B4GALNT2: variants seen among roughly 807,000 people sequenced by gnomAD.
B4GALNT2 encodes N-acetylneuraminylgalactosylglucosyl-glucoside beta-1,4-N- acetylgalactosaminyltransferase 2.
Under a neutral mutation model 51.1 loss-of-function variants are expected in B4GALNT2, and 42 were observed. The ratio of observed to expected loss-of-function variants is 0.82; its 90% CI spans 0.64 to 1.06. The LOEUF (loss-of-function observed/expected upper bound fraction) is 1.06. Among genes scored for constraint, B4GALNT2 ranks in the 50% least tolerant of loss-of-function variants. The pLI is 0.00. For missense variants in B4GALNT2, 602 were observed against 633.6 expected (o/e 0.95, Z 0.54); for synonymous variants, 253 against 251.7 (o/e 1.01, Z -0.05).
chr17:49,161,716 G>T (rs2042866676), intron 7 of B4GALNT2, among the ~76,000 whole-genome samples: 1 of 151,712 alleles, frequency 6.6e-6, no homozygotes, highest in Non-Finnish European at 1.5e-5. Context: ...AATTAGCTGG[G>T]TATGGTGGCA....
chr17:49,149,889 CCTAA>C (rs1489311361), intron 3 of B4GALNT2, among the ~76,000 whole-genome samples: 5 of 152,136 alleles, frequency 3.3e-5, no homozygotes, highest in Non-Finnish European at 5.9e-5. Context: ...CTTACATACA[CCTAA>C]CTAACGTTTG....
chr17:49,147,409 C>A (rs2042705864), intron 3 of B4GALNT2, among the ~76,000 whole-genome samples: 1 of 142,530 alleles, frequency 7.0e-6, no homozygotes, highest in Non-Finnish European at 1.5e-5. Context: ...AGGTCTGGCT[C>A]TGCTGCCCAG....
chr17:49,161,603 A>C (rs1217779608), intron 7 of B4GALNT2, among the ~76,000 whole-genome samples: 2 of 152,126 alleles, frequency 1.3e-5, no homozygotes, highest in African/African-American at 2.4e-5. Context: ...AATTAGAAGT[A>C]AAACTTGAAT....
At chr17:49,161,227 A>T (rs2042861550) in intron 7 of B4GALNT2, among the ~76,000 whole-genome samples, 1 of 150,324 alleles carries the variant, frequency 6.7e-6, no homozygotes, top group Non-Finnish European at 1.5e-5. Context: ...GTGAGCCAAG[A>T]TTGCGCCACT....
the B4GALNT2 span, among the ~76,000 whole-genome samples, chr17:49,125,185 G>A: frequency 6.6e-6 from 1 of 152,032 alleles, no homozygotes; most frequent in Admixed American, 6.5e-5. Flanking sequence ...TTGAGATGGA[G>A]TTTCACTCTT....
rs2144357300 is a variant in B4GALNT2 at position 49,175,926 on chromosome 17, T to A, written c.*6198T>A. ...CAAACCTCTTCCTCATTTGCCGCTTTAGCTTCAGCCAGCAAACAAACCTGC... is the reference window on the plus strand; with the variant it reads ...CAAACCTCTTCCTCATTTGCCGCTTAAGCTTCAGCCAGCAAACAAACCTGC... On this transcript the variant is annotated 3_prime_UTR_variant, in exon 11 of 11. Transcript: ENST00000393354. 6.6e-6 allele frequency: 1 copy of A among 152,380 alleles called. No individual in the cohort carries two copies. The highest frequency in any genetic ancestry group is 1.5e-5 in the Non-Finnish European group (1 of 68,040). 9.4% of individuals were successfully genotyped at this position (152,380 alleles called of 1,614,324 possible). A position where few individuals can be genotyped will look rare whatever the true frequency, so the allele number is the denominator to read the frequency against.
intron 1 of B4GALNT2, among the ~76,000 whole-genome samples, chr17:49,135,978 G>A (rs2042586537): frequency 6.6e-6 from 1 of 151,702 alleles, no homozygotes; most frequent in Non-Finnish European, 1.5e-5. Context: ...AGCTACTTGG[G>A]AGGCTGAGGC....
chr17:49,169,776 T>G lies in B4GALNT2; in HGVS notation c.*48T>G. 12 of 1,474,732 alleles carry G rather than the reference T, an allele frequency of 8.1e-6. No homozygotes were observed. The highest frequency in any genetic ancestry group is 1.0e-5 in the Non-Finnish European group (11 of 1,104,282). 91.4% of individuals were successfully genotyped at this position (1,474,732 alleles called of 1,614,324 possible). On this transcript the variant is annotated 3_prime_UTR_variant, in exon 11 of 11. Transcript: ENST00000393354. ...CACTAGGCTGGCTGGTTATGGTATC[T>G]ATAGCAGGCCACCAAAAACTGGACT...
At chr17:49,126,028 GATGACAA>G in the B4GALNT2 span, among the ~76,000 whole-genome samples, 76,784 of 151,118 alleles carry the variant, frequency 0.51, 19,881 homozygotes, top group Middle Eastern at 0.62. Flanking sequence ...AGTGGGCCAT[GATGACAA>G]TGGCGGTTTT....
intron 7 of B4GALNT2, 40 bp from the exon 8 acceptor site, chr17:49,164,048 C>T (rs2042887757): frequency 1.3e-6 from 2 of 1,583,406 alleles, no homozygotes; most frequent in South Asian, 1.1e-5. Flanking sequence ...GTGAAGCTTC[C>T]TACAGGACAG....
At chr17:49,156,664 G>T in intron 5 of B4GALNT2, 61 bp downstream of exon 5, 1 of 1,572,184 alleles carries the variant, frequency 6.4e-7, no homozygotes, top group Non-Finnish European at 8.7e-7. Context: ...CCTCAACTGT[G>T]GCTGCTCTCA....
chr17:49,162,912 CAAA>C (rs34568226), intron 7 of B4GALNT2, among the ~76,000 whole-genome samples: 1,689 of 53,578 alleles, frequency 0.032, 12 homozygotes, highest in Middle Eastern at 0.045. Flanking sequence ...GAAACTGTCT[CAAA>C]AAAAAAAAAA....
chr17:49,120,368 G>C, the B4GALNT2 span, among the ~76,000 whole-genome samples: 1 of 152,190 alleles, frequency 6.6e-6, no homozygotes, highest in African/African-American at 2.4e-5. Flanking sequence ...CTCTGACCTA[G>C]TCTGGTGGCT....
chr17:49,143,192 T>A (rs765012561), intron 3 of B4GALNT2, among the ~76,000 whole-genome samples: 2 of 151,954 alleles, frequency 1.3e-5, no homozygotes, highest in Non-Finnish European at 2.9e-5. Flanking sequence ...GAGGTTGTAG[T>A]GAGCTGAGAT....
At chr17:49,156,483 G>A in intron 4 of B4GALNT2, 83 bp from the exon 5 acceptor site, 2 of 1,427,302 alleles carry the variant, frequency 1.4e-6, no homozygotes, top group Non-Finnish European at 2.0e-6. Flanking sequence ...GGATGTGCAG[G>A]AGTCCATGAG....
intron 1 of B4GALNT2, among the ~76,000 whole-genome samples, chr17:49,135,908 A>AAAAAT (rs764787368): frequency 1.3e-3 from 204 of 151,806 alleles, no homozygotes; most frequent in Middle Eastern, 3.4e-3. Context: ...CTAAAAATAC[A>AAAAAT]AAAATAAAAT....
intron 1 of B4GALNT2, chr17:49,133,081 G>A: frequency 6.6e-7 from 1 of 1,511,370 alleles, no homozygotes; most frequent in Non-Finnish European, 8.8e-7. Flanking sequence ...GCCTCTCGCG[G>A]CCGGGAATGT....
chr17:49,144,860 G>A (rs1156759035), intron 3 of B4GALNT2, among the ~76,000 whole-genome samples: 1 of 152,182 alleles, frequency 6.6e-6, no homozygotes, highest in Non-Finnish European at 1.5e-5. Context: ...TGCAAGCTGA[G>A]GAGCAAAGAG....
chr17:49,135,786 C>G lies in B4GALNT2; in HGVS notation c.14+2980C>G, dbSNP rs112121381. Among the ~76,000 whole-genome samples, 1,158 of 151,018 alleles carry G rather than the reference C, an allele frequency of 7.7e-3. 22 individuals carry two copies. Among genetic ancestry groups the G allele is most frequent in the African/African-American group, 0.026 (1,090 of 41,154 alleles). On this transcript the variant is annotated intron_variant, in intron 1 of 10. Transcript: ENST00000393354. ...GCTCTAAAAAAGGAAAATCCTGGCC[C>G]GGCATGGTGGCTCACGCCTGTAATC...
Sources: gnomAD v4.1 joint callset for allele counts (sites outside exome capture counted in the v4.1 genomes callset) on GRCh38, gnomAD v4.1.1 for gene constraint, MANE v1.5 for transcripts, NCBI Gene and HGNC (gene_info 2026-07-23, HGNC 2026-07-21) for gene names.